The following GDPD1 variants were observed in gnomAD, a reference collection of about 807,000 sequenced individuals.
GDPD1 encodes the protein lysophospholipase D GDPD1.
A neutral mutation model predicts 45.1 loss-of-function variants in GDPD1; 28 were observed. The observed-to-expected ratio is 0.62, with a 90% CI of 0.46 to 0.85. The LOEUF is 0.85. Ranked by LOEUF, GDPD1 falls within the 40% of genes least tolerant of loss-of-function variation. The probability of loss-of-function intolerance (pLI) is 0.00; values close to 1 mark genes in which losing one functional copy is unlikely to be tolerated. For synonymous variants in GDPD1, 139 were observed against 131.4 expected (o/e 1.06, Z -0.40); for missense variants, 256 against 364.8 (o/e 0.70, Z 2.43).
intron 1 of GDPD1, among the ~76,000 whole-genome samples, chr17:59,222,260 G>A (rs149400264): frequency 0.17 from 25,143 of 151,896 alleles, 2,250 homozygotes; most frequent in East Asian, 0.27. Flanking sequence ...AGGCTGAAGT[G>A]CAGTGGCGCG....
intron 6 of GDPD1, among the ~76,000 whole-genome samples, chr17:59,260,000 G>T (rs1262443368): frequency 8.0e-6 from 1 of 125,452 alleles, no homozygotes; most frequent in Non-Finnish European, 1.6e-5. Flanking sequence ...GACAGAGGTT[G>T]CAGTGAGCCA....
intron 1 of GDPD1, among the ~76,000 whole-genome samples, chr17:59,229,286 G>C (rs1234529489): frequency 6.7e-6 from 1 of 150,366 alleles, no homozygotes; most frequent in Non-Finnish European, 1.5e-5. Context: ...CCGAGTAGCT[G>C]GGATTACAGA....
intron 6 of GDPD1, among the ~76,000 whole-genome samples, chr17:59,262,063 G>A (rs924651748): frequency 1.5e-4 from 22 of 149,524 alleles, no homozygotes; most frequent in African/African-American, 5.4e-4. Context: ...GACTACAGGC[G>A]CCCGCCACTA....
chr17:59,250,373 C>T (rs62083292), intron 4 of GDPD1, among the ~76,000 whole-genome samples: 13,864 of 152,066 alleles, frequency 0.091, 841 homozygotes, highest in South Asian at 0.23. Flanking sequence ...ATAATCTCAG[C>T]ACTTTGAGAG....
At chr17:59,235,937 A>G in intron 2 of GDPD1, among the ~76,000 whole-genome samples, 1 of 152,204 alleles carries the variant, frequency 6.6e-6, no homozygotes, top group East Asian at 1.9e-4. Context: ...GCTAGCCATA[A>G]CTAAATATAG....
chr17:59,261,490 T>TTTATTA (rs766401407), intron 6 of GDPD1, among the ~76,000 whole-genome samples: 6 of 151,332 alleles, frequency 4.0e-5, no homozygotes, highest in South Asian at 2.1e-4. Flanking sequence ...AATGATTTAT[T>TTTATTA]TTATTATTAT....
In GDPD1 at chr17:59,274,113, T is replaced by C. The variant is rs1437294568; in HGVS notation, c.*340T>C. 2.5e-6 allele frequency: 2 copies of C among 785,066 alleles called. No homozygotes were observed. Among genetic ancestry groups the C allele is most frequent in the African/African-American group, 3.8e-5 (2 of 53,176 alleles). The allele number at this position is 785,066 out of a possible 1,614,324, so 48.6% of individuals were successfully genotyped here. A position where few individuals can be genotyped will look rare whatever the true frequency, so the allele number is the denominator to read the frequency against. The stretch of plus-strand genomic sequence containing the variant: ...ACATACTACATCATCTACAGAAATC[T>C]TGATCAATAACCTAGAAACTAGGTT... On this transcript the variant is annotated 3_prime_UTR_variant, in exon 10 of 10. Transcript: ENST00000284116.
chr17:59,268,098 A>T (rs993431764), intron 7 of GDPD1, among the ~76,000 whole-genome samples: 6 of 152,190 alleles, frequency 3.9e-5, no homozygotes, highest in Admixed American at 6.5e-5. Flanking sequence ...ATTGCCTGAC[A>T]AATACTAAGC....
chr17:59,249,483 T>C (rs926659137), intron 4 of GDPD1, among the ~76,000 whole-genome samples: 5 of 152,252 alleles, frequency 3.3e-5, no homozygotes, highest in Admixed American at 3.3e-4. Context: ...TCCTTTCTGG[T>C]TCCATAATAT....
At chr17:59,269,480 C>A (rs911286938) in intron 7 of GDPD1, among the ~76,000 whole-genome samples, 1 of 146,192 alleles carries the variant, frequency 6.8e-6, no homozygotes, top group African/African-American at 2.5e-5. Context: ...TGTCTACCCC[C>A]CCCCCCAAAA....
chr17:59,259,481 G>A (rs2047335730), intron 6 of GDPD1, among the ~76,000 whole-genome samples: 1 of 149,734 alleles, frequency 6.7e-6, no homozygotes, highest in African/African-American at 2.5e-5. Flanking sequence ...GCAGGAGAAT[G>A]GCGTGAACCC....
chr17:59,238,419 T>A (rs1163107251), intron 2 of GDPD1, among the ~76,000 whole-genome samples: 1 of 149,116 alleles, frequency 6.7e-6, no homozygotes, highest in Non-Finnish European at 1.5e-5. Context: ...ATTTTTTATT[T>A]TTTTTTTTTT....
At position 59,267,001 on chromosome 17, in the gene GDPD1, A is replaced by C. The variant is rs778970244; in HGVS notation, c.577-40A>C. The C allele has an allele frequency of 5.3e-6, 8 of 1,502,760 alleles. No individual in the cohort carries two copies. In the South Asian group the frequency reaches 9.3e-5, roughly 17 times the overall value. 93.1% of individuals were successfully genotyped at this position (1,502,760 alleles called of 1,614,324 possible). Reference sequence around the variant, plus strand: ...GTGAAGTAATCCTCTTTATTTGAGCAGTTGTAAAAATAACATGTAATATTG... The same window carrying C: ...GTGAAGTAATCCTCTTTATTTGAGCCGTTGTAAAAATAACATGTAATATTG... On this transcript the variant is annotated intron_variant, in intron 6 of 9. Coordinates refer to ENST00000284116, the MANE Select transcript of GDPD1 (RefSeq NM_182569.4).
intron 6 of GDPD1, among the ~76,000 whole-genome samples, chr17:59,261,912 G>GTTTTTTT (rs1568349072): frequency 9.1e-5 from 9 of 98,952 alleles, no homozygotes; most frequent in African/African-American, 4.7e-4. Flanking sequence ...GAGATTACAG[G>GTTTTTTT]CTTTTTTTTT....
intron 2 of GDPD1, among the ~76,000 whole-genome samples, chr17:59,243,476 C>A (rs2047189281): frequency 6.6e-6 from 1 of 151,588 alleles, no homozygotes; most frequent in African/African-American, 2.4e-5. Flanking sequence ...TGCATTCCAG[C>A]CTGGGCAACA....
intron 2 of GDPD1, among the ~76,000 whole-genome samples, chr17:59,244,460 T>C (rs2047196644): frequency 1.3e-5 from 2 of 152,124 alleles, no homozygotes; most frequent in African/African-American, 4.8e-5. Flanking sequence ...CCTCCCAAAG[T>C]GCTGGGATTA....
chr17:59,237,844 C>T (rs868741404), intron 2 of GDPD1, among the ~76,000 whole-genome samples: 5 of 151,184 alleles, frequency 3.3e-5, no homozygotes, highest in Middle Eastern at 3.4e-3. Flanking sequence ...CCAAGGCAGG[C>T]GGATCACTTG....
intron 4 of GDPD1, among the ~76,000 whole-genome samples, chr17:59,251,804 G>A (rs1034615826): frequency 4.6e-5 from 7 of 151,240 alleles, no homozygotes; most frequent in East Asian, 3.9e-4. Flanking sequence ...CCAGGGGTTC[G>A]AGACCAGCCT....
chr17:59,245,825 A>G (rs2047206466), intron 3 of GDPD1, among the ~76,000 whole-genome samples: 1 of 152,080 alleles, frequency 6.6e-6, no homozygotes, highest in South Asian at 2.1e-4. Context: ...TCTTCATTAA[A>G]ATATAGGAAA....
Sources: gnomAD v4.1 joint callset for allele counts (sites outside exome capture counted in the v4.1 genomes callset) on GRCh38, gnomAD v4.1.1 for gene constraint, MANE v1.5 for transcripts, NCBI Gene and HGNC (gene_info 2026-07-23, HGNC 2026-07-21) for gene names.